The following TARS2 variants were observed in gnomAD, a reference collection of about 807,000 sequenced individuals.
TARS2 encodes the protein threonine--tRNA ligase, mitochondrial.
Under a neutral mutation model 94.4 loss-of-function variants are expected in TARS2, and 61 were observed. That is an observed-to-expected ratio of 0.65 (90% CI 0.53 to 0.80). The LOEUF is 0.80. Ranked by LOEUF, TARS2 falls within the 30% of genes least tolerant of loss-of-function variation. TARS2 has a pLI of 0.00. For missense variants in TARS2, 704 were observed against 902.5 expected (o/e 0.78, Z 2.82); for synonymous variants, 359 against 353.4 (o/e 1.02, Z -0.18).
chr1:150,495,127 C>T (rs1341602136), intron 7 of TARS2, among the ~76,000 whole-genome samples: 1 of 151,812 alleles, frequency 6.6e-6, no homozygotes, highest in African/African-American at 2.4e-5. Context: ...CTGCAGTGAG[C>T]CAAGATCACG....
chr1:150,491,810 T>C, intron 6 of TARS2, 148 bp downstream of exon 6: 3 of 847,762 alleles, frequency 3.5e-6, no homozygotes, highest in Non-Finnish European at 5.4e-6. Context: ...TTTTTCTTTT[T>C]TTGAGACGGA....
In TARS2 at chr1:150,487,964, C is replaced by A. The variant is rs1233096999; in HGVS notation, c.173C>A (p.Pro58His). The A allele has an allele frequency of 1.2e-6, 2 of 1,613,942 alleles. No individual in the cohort carries two copies. Among genetic ancestry groups the A allele is most frequent in the Admixed American group, 1.7e-5 (1 of 59,992 alleles). The change falls in exon 2 of 18, where the codon CCC becomes CAC. Residue 58 changes from proline to histidine, a missense_variant. By Grantham distance (77) the Pro-to-His change is moderately conservative (BLOSUM62 -2). Around this residue, in one of 3 missense-constraint regions of TARS2, gnomAD observed 208 missense variants for 228.5 expected, o/e 0.91. Coordinates refer to ENST00000369064, the MANE Select transcript of TARS2 (RefSeq NM_025150.5). Reference protein sequence around the residue: ...KRLASMAQKEPRTIKISLPGG... With the variant: ...KRLASMAQKEHRTIKISLPGG... The stretch of plus-strand genomic sequence containing the variant: ...TTAGCAAGCATGGCACAGAAGGAAC[C>A]CCGGACTATTAAGATATCACTTCCT...
At position 150,498,598 on chromosome 1, in the gene TARS2, G is replaced by T. The variant is rs752671187; in HGVS notation, c.1335G>T (p.Leu445=). 4 of 1,611,860 alleles carry T rather than the reference G, an allele frequency of 2.5e-6. No homozygotes were observed. The highest frequency in any genetic ancestry group is 1.7e-5 in the Admixed American group (1 of 59,162). Residue 445 remains leucine (L), a synonymous_variant, in exon 11 of 18, where the codon CTG becomes CTT. Transcript: ENST00000369064. ...ALHRAEASGG[L]GGLTRLRCFQ... ...ACCGGGCCGAAGCCTCTGGTGGTCT[G>T]GGGGGACTGACCCGACTGCGGTGCT...
At position 150,507,196 on chromosome 1, in the gene TARS2, G is replaced by A. The variant is rs1215583482; in HGVS notation, c.*132G>A. Reference sequence around the variant, plus strand: ...TGTGGAGGCACATGTCTGCTCTCCTGAAAAGAGACTTGGTTTGGGGACCCC... The same window carrying A: ...TGTGGAGGCACATGTCTGCTCTCCTAAAAAGAGACTTGGTTTGGGGACCCC... On this transcript the variant is annotated 3_prime_UTR_variant, in exon 18 of 18. Coordinates refer to ENST00000369064, the MANE Select transcript of TARS2 (RefSeq NM_025150.5). 1 of 1,268,194 alleles carries A rather than the reference G, an allele frequency of 7.9e-7. No homozygotes were observed. The highest frequency in any genetic ancestry group is 1.5e-5 in the African/African-American group (1 of 66,712). 78.6% of individuals were successfully genotyped at this position (1,268,194 alleles called of 1,614,324 possible).
chr1:150,492,329 C>T (rs2102480358), intron 6 of TARS2, 82 bp from the exon 7 acceptor site: 5 of 1,401,974 alleles, frequency 3.6e-6, no homozygotes, highest in African/African-American at 2.8e-5. Flanking sequence ...TTCACCTCTT[C>T]TGTCAGCTAA....
At position 150,498,923 on chromosome 1, in the gene TARS2, T is replaced by G. The variant is rs1287106308; in HGVS notation, c.1428T>G (p.Leu476=). ...DQLEAEIQSC[L]DFLRSVYAVL... ...TGGAAGCAGAGATCCAAAGCTGTCTTGATTTCCTCCGTTCCGTCTATGCCG... is the reference window on the plus strand; with the variant it reads ...TGGAAGCAGAGATCCAAAGCTGTCTGGATTTCCTCCGTTCCGTCTATGCCG... The change falls in exon 12 of 18, where the codon CTT becomes CTG. Residue 476 remains leucine (L), a synonymous_variant. Transcript: ENST00000369064. The G allele has an allele frequency of 1.2e-6, 2 of 1,614,118 alleles. No homozygotes were observed. The highest frequency in any genetic ancestry group is 1.7e-6 in the Non-Finnish European group (2 of 1,180,058).
Position 150,487,896 on chromosome 1 carries a change from G to C in TARS2, c.105G>C (p.Arg35=), listed in dbSNP as rs1194035009. 4 of 1,613,568 alleles carry C rather than the reference G, an allele frequency of 2.5e-6. No homozygotes were observed. Among genetic ancestry groups the C allele is most frequent in the Non-Finnish European group, 8.5e-7 (1 of 1,180,020 alleles). Residue 35 remains arginine, a synonymous_variant, in exon 2 of 18, where the codon CGG becomes CGC. Transcript: ENST00000369064. Reference sequence around the variant, plus strand: ...CCCCTCCACGCTGGTTGGCAGAGCGGCTTGGCCTTTTTGAGGAGCTGTGGG... The same window carrying C: ...CCCCTCCACGCTGGTTGGCAGAGCGCCTTGGCCTTTTTGAGGAGCTGTGGG... ...VSTPPRWLAE[R]LGLFEELWAA... is the part of the protein sequence containing the mutation.
At chr1:150,501,583 G>A (rs141828516) in intron 13 of TARS2, among the ~76,000 whole-genome samples, 2,078 of 150,624 alleles carry the variant, frequency 0.014, 53 homozygotes, top group African/African-American at 0.048. Flanking sequence ...TGATCTGCCC[G>A]CCTTGGCCTA....
intron 16 of TARS2, 123 bp downstream of exon 16, chr1:150,505,101 A>C: frequency 1.1e-6 from 1 of 936,884 alleles, no homozygotes; most frequent in Non-Finnish European, 1.6e-6. Flanking sequence ...CAGCCACAAG[A>C]CTGGGCTCGA....
chr1:150,488,679 G>T, intron 2 of TARS2: 1 of 275,272 alleles, frequency 3.6e-6, no homozygotes, highest in East Asian at 7.7e-5. Context: ...AAATCTTCTA[G>T]CTATTTTGAA....
intron 6 of TARS2, 153 bp from the exon 7 acceptor site, chr1:150,492,258 C>G: frequency 1.3e-6 from 1 of 757,164 alleles, no homozygotes; most frequent in East Asian, 2.8e-5. Context: ...GCCACCGCGC[C>G]CTGCCAGGGA....
chr1:150,499,847 T>G (rs1669835605), intron 13 of TARS2, among the ~76,000 whole-genome samples: 2 of 150,764 alleles, frequency 1.3e-5, no homozygotes, highest in Non-Finnish European at 1.5e-5. Flanking sequence ...CTCGGGGAGG[T>G]TACAAAAGGT....
chr1:150,490,711 C>A lies in TARS2; in HGVS notation c.498C>A (p.Phe166Leu). The A allele has an allele frequency of 6.2e-7, 1 of 1,613,624 alleles. No homozygotes were observed. The highest frequency in any genetic ancestry group is 1.1e-5 in the South Asian group (1 of 91,034). The change falls in exon 4 of 18, where the codon TTC becomes TTA. Residue 166 changes from phenylalanine (F) to leucine (L), a missense_variant. By Grantham distance (22) the Phe-to-Leu change is conservative. Around this residue, in one of 3 missense-constraint regions of TARS2, gnomAD observed 208 missense variants for 228.5 expected, o/e 0.91. Transcript: ENST00000369064. The stretch of plus-strand genomic sequence containing the variant: ...AATATGGCTTTTACCATGATTTCTT[C>A]CTGGGAAAGGAGAGGTGAGTAATGA... ...STEYGFYHDF[F>L]LGKERTIRGS...
At chr1:150,497,506 C>T (rs750053593) in intron 9 of TARS2, 24 bp from the exon 10 acceptor site, 1 of 1,609,860 alleles carries the variant, frequency 6.2e-7, no homozygotes, top group South Asian at 1.1e-5. Context: ...CTCTGACCTT[C>T]CATGTCTGTA....
chr1:150,500,707 T>C (rs975250520), intron 13 of TARS2, among the ~76,000 whole-genome samples: 1 of 151,808 alleles, frequency 6.6e-6, no homozygotes, highest in African/African-American at 2.4e-5. Context: ...CTACTAAAAA[T>C]ACAAAAATTA....
Position 150,497,668 on chromosome 1 carries a change from C to T in TARS2, c.1159C>T (p.Pro387Ser), listed in dbSNP as rs774048887. The part of the protein sequence containing the change: ...AVQPPGSDRP[P>S]SSQSDDSTRH... ...GCAGCCCCCAGGCTCTGACAGGCCTCCCAGCTCCCAGAGTGACGATTCTAC... is the reference window on the plus strand; with the variant it reads ...GCAGCCCCCAGGCTCTGACAGGCCTTCCAGCTCCCAGAGTGACGATTCTAC... Residue 387 changes from proline to serine, a missense_variant, in exon 10 of 18, where the codon CCC (proline) becomes TCC (serine). Pro to Ser is a moderately conservative substitution (Grantham distance 74). Transcript: ENST00000369064. The T allele has an allele frequency of 1.2e-6, 2 of 1,614,156 alleles. No homozygotes were observed. Among genetic ancestry groups the T allele is most frequent in the South Asian group, 1.1e-5 (1 of 91,090 alleles).
intron 17 of TARS2, 37 bp downstream of exon 17, chr1:150,505,742 C>T (rs587641922): frequency 6.4e-7 from 1 of 1,574,644 alleles, no homozygotes; most frequent in East Asian, 2.2e-5. Context: ...CTCCCACCTG[C>T]CGTCTGCATT....
At position 150,504,968 on chromosome 1, in the gene TARS2, A is replaced by G; in HGVS notation, c.1883A>G (p.Tyr628Cys). Residue 628 changes from tyrosine to cysteine, a missense_variant, in exon 16 of 18, where the codon TAC (tyrosine) becomes TGC (cysteine). Transcript: ENST00000369064. ...VIPVGSEQEE[Y>C]AKEAQQSLRA... ...CCTGTGGGGAGTGAGCAAGAGGAAT[A>G]CGCCAAAGAGGTAAGGAGTTGAGGT... 3 of 1,614,158 alleles carry G rather than the reference A, an allele frequency of 1.9e-6. No individual in the cohort carries two copies. Among genetic ancestry groups the G allele is most frequent in the Non-Finnish European group, 2.5e-6 (3 of 1,180,034 alleles).
At chr1:150,504,873 C>T (rs957087767) in intron 15 of TARS2, 33 bp from the exon 16 acceptor site, 19 of 1,613,476 alleles carry the variant, frequency 1.2e-5, no homozygotes, top group Non-Finnish European at 1.4e-5. Context: ...GCCAGAGTGA[C>T]TAATTTGCCA....
Sources: allele counts gnomAD v4.1 joint callset (sites outside exome capture counted in the v4.1 genomes callset), GRCh38; gene constraint gnomAD v4.1.1; regional missense constraint gnomAD v4.1.1; transcripts MANE v1.5; gene names NCBI Gene and HGNC (gene_info 2026-07-23, HGNC 2026-07-21).